The following ADAM32 variants were observed in gnomAD, a reference collection of about 807,000 sequenced individuals.
ADAM32 encodes disintegrin and metalloproteinase domain-containing protein 32.
A neutral mutation model predicts 114.9 loss-of-function variants in ADAM32; 89 were observed. The ratio of observed to expected loss-of-function variants is 0.77; its 90% CI spans 0.65 to 0.92. The LOEUF (loss-of-function observed/expected upper bound fraction) is 0.92, where lower values mean the gene tolerates loss of function less well. Ranked by LOEUF, ADAM32 falls within the 40% of genes least tolerant of loss-of-function variation. ADAM32 has a pLI of 0.00. For synonymous variants in ADAM32, 285 were observed against 307.5 expected (o/e 0.93, Z 0.77); for missense variants, 870 against 932.8 (o/e 0.93, Z 0.88).
intron 1 of ADAM32, among the ~76,000 whole-genome samples, chr8:39,111,744 GA>G (rs1187955505): frequency 6.6e-4 from 79 of 119,086 alleles, no homozygotes; most frequent in East Asian, 2.4e-3. Flanking sequence ...AAAAAAAAAG[GA>G]AAAAAAAAAA....
At chr8:39,233,877 T>A (rs1178559443) in intron 15 of ADAM32, 22 bp from the exon 16 acceptor site, 6 of 1,366,394 alleles carry the variant, frequency 4.4e-6, no homozygotes, top group Non-Finnish European at 5.8e-6. Context: ...ATAATAATCA[T>A]ATATATTTTT....
intron 11 of ADAM32, among the ~76,000 whole-genome samples, chr8:39,205,865 A>G (rs1445945330): frequency 5.9e-5 from 9 of 152,040 alleles, no homozygotes; most frequent in African/African-American, 1.7e-4. Flanking sequence ...TCTTTTTCAG[A>G]CGTTTCATAG....
At chr8:39,204,806 G>A (rs745548379) in intron 11 of ADAM32, among the ~76,000 whole-genome samples, 13 of 152,266 alleles carry the variant, frequency 8.5e-5, no homozygotes, top group Non-Finnish European at 1.8e-4. Context: ...ATGGGGTTTT[G>A]GTGTGAATGT....
chr8:39,111,106 T>C (rs76496528), intron 1 of ADAM32, among the ~76,000 whole-genome samples: 1 of 152,222 alleles, frequency 6.6e-6, no homozygotes, highest in Non-Finnish European at 1.5e-5. Flanking sequence ...TAATATTTCA[T>C]TGTATATATT....
chr8:39,190,405 T>C lies in ADAM32; in HGVS notation c.1052+3360T>C, dbSNP rs1806528435. ...ACTGATTTCCTTTACTTTGGATAAA[T>C]ACCAAGTACAAAGATTGCTAGTTTG... On this transcript the variant is annotated intron_variant, in intron 11 of 24. Transcript: ENST00000379907. Among the ~76,000 whole-genome samples, 3 of 152,246 alleles carry C rather than the reference T, an allele frequency of 2.0e-5. No homozygotes were observed. The South Asian group carries it at 6.2e-4, about 31-fold the overall frequency.
intron 2 of ADAM32, among the ~76,000 whole-genome samples, chr8:39,121,006 A>T (rs1388072787): frequency 2.0e-5 from 3 of 152,176 alleles, no homozygotes; most frequent in African/African-American, 7.2e-5. Context: ...AAAATGCAAA[A>T]TGCAAGAGAA....
intron 9 of ADAM32, chr8:39,167,184 G>A (rs1804892406): frequency 6.6e-6 from 1 of 152,130 alleles, no homozygotes. Context: ...CTTAGTTTAA[G>A]TCCTTAGGTT....
At chr8:39,274,440 A>G in intron 21 of ADAM32, 90 bp downstream of exon 21, 2 of 1,438,534 alleles carry the variant, frequency 1.4e-6, no homozygotes, top group Non-Finnish European at 1.9e-6. Flanking sequence ...ATTTTTGAAC[A>G]ATGTCAATTG....
At chr8:39,213,226 TG>T (rs1340215014) in intron 12 of ADAM32, among the ~76,000 whole-genome samples, 3 of 152,112 alleles carry the variant, frequency 2.0e-5, no homozygotes, top group African/African-American at 4.8e-5. Flanking sequence ...GTATACATTT[TG>T]GGGGTACATG....
intron 3 of ADAM32, among the ~76,000 whole-genome samples, chr8:39,144,027 G>A (rs1243739589): frequency 6.6e-6 from 1 of 152,220 alleles, no homozygotes; most frequent in Admixed American, 6.5e-5. Context: ...ACCTGCTGAG[G>A]CAGACACAGG....
intron 16 of ADAM32, among the ~76,000 whole-genome samples, chr8:39,244,636 AC>A (rs1202596988): frequency 6.6e-6 from 1 of 152,196 alleles, no homozygotes; most frequent in Non-Finnish European, 1.5e-5. Flanking sequence ...CTCACCTTAT[AC>A]AAATATCAAC....
At chr8:39,222,028 T>C (rs1009371101) in intron 13 of ADAM32, among the ~76,000 whole-genome samples, 4 of 151,992 alleles carry the variant, frequency 2.6e-5, no homozygotes, top group African/African-American at 9.7e-5. Flanking sequence ...AAAAACGTTT[T>C]TATGGGTTGT....
intron 11 of ADAM32, among the ~76,000 whole-genome samples, chr8:39,191,903 A>G (rs1806637902): frequency 6.6e-6 from 1 of 152,154 alleles, no homozygotes; most frequent in Non-Finnish European, 1.5e-5. Flanking sequence ...TAAGTCTTTA[A>G]TCAATCTTGA....
chr8:39,273,119 G>A (rs889738933), intron 20 of ADAM32, among the ~76,000 whole-genome samples: 3 of 151,986 alleles, frequency 2.0e-5, no homozygotes, highest in Non-Finnish European at 4.4e-5. Flanking sequence ...GCCACCTTCT[G>A]GATTCGTCTT....
intron 16 of ADAM32, among the ~76,000 whole-genome samples, chr8:39,237,615 C>A (rs1012668056): frequency 1.3e-5 from 2 of 152,144 alleles, no homozygotes; most frequent in Non-Finnish European, 2.9e-5. Flanking sequence ...GGCTTTCCCC[C>A]ACTTCCCTGG....
chr8:39,190,650 C>T (rs1020326381), intron 11 of ADAM32, among the ~76,000 whole-genome samples: 1 of 152,136 alleles, frequency 6.6e-6, no homozygotes, highest in African/African-American at 2.4e-5. Context: ...ATTACTGATG[C>T]TGAATATTTT....
Position 39,246,121 on chromosome 8 carries a change from T to G in ADAM32, c.1857T>G (p.Ile619Met). ...GTGAATGTGTAGAATCAAGGATAAT[T>G]AAGGCTTCAGCACATGTTTGTTCAC... ...VNRECVESRIIKASAHVCSQQ... is the reference protein window; with the variant it reads ...VNRECVESRIMKASAHVCSQQ... The change falls in exon 17 of 25, where the codon ATT becomes ATG. Residue 619 changes from isoleucine to methionine, a missense_variant. By Grantham distance (10) the Ile-to-Met change is conservative (BLOSUM62 1). Coordinates refer to ENST00000379907, the MANE Select transcript of ADAM32 (RefSeq NM_145004.7). 1 of 1,613,578 alleles carries G rather than the reference T, an allele frequency of 6.2e-7. No homozygotes were observed. Among genetic ancestry groups the G allele is most frequent in the Non-Finnish European group, 8.5e-7 (1 of 1,179,646 alleles).
At chr8:39,233,860 C>T (rs764818721) in intron 15 of ADAM32, 39 bp from the exon 16 acceptor site, 28 of 1,235,340 alleles carry the variant, frequency 2.3e-5, no homozygotes, top group Non-Finnish European at 2.8e-5. Flanking sequence ...TAATAAATTC[C>T]TAATGTATAA....
At chr8:39,259,419 A>C (rs1351753327) in intron 19 of ADAM32, among the ~76,000 whole-genome samples, 3 of 151,702 alleles carry the variant, frequency 2.0e-5, no homozygotes, top group Non-Finnish European at 4.4e-5. Context: ...AGCTGCTCTC[A>C]AATGGTTTCA....
Sources: allele counts gnomAD v4.1 joint callset (sites outside exome capture counted in the v4.1 genomes callset), GRCh38; gene constraint gnomAD v4.1.1; transcripts MANE v1.5; gene names NCBI Gene and HGNC (gene_info 2026-07-23, HGNC 2026-07-21).